Variants in ASAP1 observed in about 807,000 individuals in gnomAD.
ASAP1 encodes the protein arf-GAP with SH3 domain, ANK repeat and PH domain-containing protein 1.
A neutral mutation model predicts 145.2 loss-of-function variants in ASAP1; 43 were observed. That is an observed-to-expected ratio of 0.30 (90% confidence interval 0.23 to 0.38). The LOEUF is 0.38. Among genes scored for constraint, ASAP1 ranks in the 10% least tolerant of loss-of-function variants. The pLI, the probability that ASAP1 is intolerant of heterozygous loss-of-function variation, is 1.00. For synonymous variants in ASAP1, 546 were observed against 515.5 expected, an observed-to-expected ratio of 1.06 and a Z score of -0.80; for missense variants, 1,018 against 1,355.3, an observed-to-expected ratio of 0.75 and a Z score of 3.91.
At chr8:130,242,413 G>A (rs183173752) in intron 3 of ASAP1, among the ~76,000 whole-genome samples, 10 of 151,808 alleles carry the variant, frequency 6.6e-5, no homozygotes, top group African/African-American at 1.7e-4. Context: ...TCGCCACAAG[G>A]CAAATGTTCT....
intron 3 of ASAP1, among the ~76,000 whole-genome samples, chr8:130,278,279 G>A (rs1363536173): frequency 3.9e-5 from 6 of 151,930 alleles, no homozygotes; most frequent in Non-Finnish European, 7.4e-5. Flanking sequence ...GGATGGACAC[G>A]ACCAACCACA....
intron 3 of ASAP1, among the ~76,000 whole-genome samples, chr8:130,320,609 T>C (rs778076878): frequency 6.8e-6 from 1 of 147,738 alleles, no homozygotes; most frequent in African/African-American, 2.5e-5. Context: ...ATTTAAACAC[T>C]GAGAAGTCTA....
At chr8:130,357,841 G>A (rs1826425959) in intron 3 of ASAP1, among the ~76,000 whole-genome samples, 176 bp downstream of exon 3, 1 of 152,228 alleles carries the variant, frequency 6.6e-6, no homozygotes, top group Admixed American at 6.5e-5. Context: ...CCCAGAAAGG[G>A]CGAGGAGATG....
intron 1 of ASAP1, among the ~76,000 whole-genome samples, chr8:130,417,175 AAAC>A (rs971542233): frequency 1.0e-4 from 9 of 88,578 alleles, no homozygotes; most frequent in Middle Eastern, 5.1e-3. Context: ...CACACACAGA[AAAC>A]AACCCACGTA....
chr8:130,370,351 A>C (rs1827157819), intron 2 of ASAP1, among the ~76,000 whole-genome samples: 1 of 152,074 alleles, frequency 6.6e-6, no homozygotes, highest in Non-Finnish European at 1.5e-5. Context: ...CTCTCTAGCT[A>C]TTTTTCAGCC....
At chr8:130,362,829 GAAGT>G (rs1826779769) in intron 2 of ASAP1, among the ~76,000 whole-genome samples, 2 of 152,252 alleles carry the variant, frequency 1.3e-5, no homozygotes, top group Admixed American at 1.3e-4. Context: ...ATCAAGATGA[GAAGT>G]AAGTTAAGAC....
intron 13 of ASAP1, among the ~76,000 whole-genome samples, chr8:130,149,218 T>C (rs1252069175): frequency 6.7e-6 from 1 of 148,192 alleles, no homozygotes; most frequent in East Asian, 2.0e-4. Flanking sequence ...GAAAGCATCT[T>C]ATACTGTGTT....
chr8:130,128,943 C>T (rs2097579252), intron 15 of ASAP1, among the ~76,000 whole-genome samples: 2 of 152,156 alleles, frequency 1.3e-5, no homozygotes, highest in South Asian at 4.1e-4. Flanking sequence ...TGTCCTCACC[C>T]AAATCTCATC....
At chr8:130,153,412 C>T (rs2097651758) in intron 12 of ASAP1, among the ~76,000 whole-genome samples, 2 of 142,308 alleles carry the variant, frequency 1.4e-5, no homozygotes, top group Non-Finnish European at 3.0e-5. Context: ...CTCTGACATC[C>T]AGGCTAGAGT....
intron 3 of ASAP1, among the ~76,000 whole-genome samples, chr8:130,317,790 T>A (rs1823755975): frequency 6.6e-6 from 1 of 152,234 alleles, no homozygotes; most frequent in Admixed American, 6.5e-5. Context: ...CCATCCTTTG[T>A]GGCTGAAGTG....
chr8:130,289,562 C>A (rs535190474), intron 3 of ASAP1, among the ~76,000 whole-genome samples: 13 of 152,268 alleles, frequency 8.5e-5, no homozygotes, highest in Non-Finnish European at 7.4e-5. Flanking sequence ...ACTGGGGAGG[C>A]GAAGACTGGA....
At chr8:130,072,148 G>A (rs2097447993) in intron 27 of ASAP1, among the ~76,000 whole-genome samples, 1 of 152,340 alleles carries the variant, frequency 6.6e-6, no homozygotes, top group Middle Eastern at 3.4e-3. Flanking sequence ...AAGCCAAGAG[G>A]ACAGGGTTCA....
intron 2 of ASAP1, among the ~76,000 whole-genome samples, chr8:130,394,306 G>A (rs568995819): frequency 2.5e-4 from 38 of 152,268 alleles, no homozygotes; most frequent in African/African-American, 4.8e-4. Flanking sequence ...GTAGGTCTCT[G>A]AAATGGCCCC....
chr8:130,106,887 G>A (rs1028743983), intron 24 of ASAP1, among the ~76,000 whole-genome samples: 2 of 152,286 alleles, frequency 1.3e-5, no homozygotes, highest in African/African-American at 2.4e-5. Flanking sequence ...TCTTTCCCTG[G>A]AGCCCTGAGA....
At chr8:130,154,410 G>T (rs1648065511) in intron 12 of ASAP1, among the ~76,000 whole-genome samples, 1 of 152,216 alleles carries the variant, frequency 6.6e-6, no homozygotes, top group Admixed American at 6.5e-5. Context: ...GAGACTGCAT[G>T]TGTGGTAGAT....
At chr8:130,360,331 C>A (rs1826651357) in intron 2 of ASAP1, among the ~76,000 whole-genome samples, 1 of 152,226 alleles carries the variant, frequency 6.6e-6, no homozygotes, top group Non-Finnish European at 1.5e-5. Flanking sequence ...CTTGGGCCCT[C>A]AGCTGCCTCA....
chr8:130,098,632 G>A (rs986225347), intron 24 of ASAP1, among the ~76,000 whole-genome samples: 2 of 152,158 alleles, frequency 1.3e-5, no homozygotes, highest in Non-Finnish European at 2.9e-5. Flanking sequence ...ACAGGTGTGA[G>A]CCACGGTGCC....
chr8:130,342,037 G>GTGA (rs1224316926), intron 3 of ASAP1, among the ~76,000 whole-genome samples: 1 of 152,166 alleles, frequency 6.6e-6, no homozygotes, highest in Non-Finnish European at 1.5e-5. Context: ...ATACCTTTGA[G>GTGA]TGAAACATGG....
intron 7 of ASAP1, among the ~76,000 whole-genome samples, 183 bp from the exon 8 acceptor site, chr8:130,181,063 G>C (rs779563875): frequency 4.0e-5 from 6 of 151,746 alleles, no homozygotes; most frequent in Admixed American, 2.6e-4. Flanking sequence ...TGCATGTGTG[G>C]GGGGAGGGAG....
Sources: allele counts gnomAD v4.1 joint callset (sites outside exome capture counted in the v4.1 genomes callset), GRCh38; gene constraint gnomAD v4.1.1; transcripts MANE v1.5; gene names NCBI Gene and HGNC (gene_info 2026-07-23, HGNC 2026-07-21).